The following JMJD1C variants were observed in gnomAD, a reference collection of about 807,000 sequenced individuals.
JMJD1C encodes the protein jumonji domain-containing protein 1C.
JMJD1C carries 31 observed loss-of-function variants against 245.3 expected under a neutral mutation model. The observed-to-expected ratio is 0.13, with a 90% CI of 0.09 to 0.17. The LOEUF (loss-of-function observed/expected upper bound fraction) is 0.17, where lower values mean the gene tolerates loss of function less well. Ranked by LOEUF, JMJD1C falls within the 10% of genes least tolerant of loss-of-function variation. JMJD1C has a pLI of 1.00. For missense variants in JMJD1C, 2,691 were observed against 3,000.2 expected, an observed-to-expected ratio of 0.90 and a Z score of 2.41; for synonymous variants, 1,057 against 1,017.4, an observed-to-expected ratio of 1.04 and a Z score of -0.74.
intron 2 of JMJD1C, among the ~76,000 whole-genome samples, chr10:63,282,835 G>A (rs985136923): frequency 6.6e-6 from 1 of 152,150 alleles, no homozygotes; most frequent in African/African-American, 2.4e-5. Flanking sequence ...TCCTGCCTCA[G>A]CCTCCCAAGT....
At chr10:63,389,191 A>T (rs1947849278) in intron 1 of JMJD1C, among the ~76,000 whole-genome samples, 1 of 151,802 alleles carries the variant, frequency 6.6e-6, no homozygotes. Context: ...ACATGCCTGT[A>T]ATCCCAGCTA....
intron 1 of JMJD1C, chr10:63,427,435 G>A (rs1323015850): frequency 1.7e-6 from 2 of 1,145,426 alleles, no homozygotes; most frequent in African/African-American, 1.5e-5. Context: ...GGTGACTGCT[G>A]ACCAGAAACT....
intron 1 of JMJD1C, among the ~76,000 whole-genome samples, chr10:63,516,299 G>A (rs1955018038): frequency 6.6e-6 from 1 of 151,154 alleles, no homozygotes; most frequent in Admixed American, 6.6e-5. Context: ...TGGAAACAGG[G>A]AAGAAAAAAA....
intron 3 of JMJD1C, among the ~76,000 whole-genome samples, chr10:63,249,728 C>T (rs1051886138): frequency 9.9e-5 from 15 of 151,466 alleles, no homozygotes; most frequent in Non-Finnish European, 1.9e-4. Flanking sequence ...GGCGTGGTGG[C>T]GTGCGCCTGT....
intron 2 of JMJD1C, among the ~76,000 whole-genome samples, chr10:63,275,785 C>T (rs938422378): frequency 2.0e-5 from 3 of 152,078 alleles, no homozygotes; most frequent in Non-Finnish European, 2.9e-5. Flanking sequence ...CCTTAGTGAA[C>T]CCAGCCAGTT....
chr10:63,401,489 C>T (rs1948853644), intron 1 of JMJD1C, among the ~76,000 whole-genome samples: 1 of 152,190 alleles, frequency 6.6e-6, no homozygotes, highest in South Asian at 2.1e-4. Context: ...TCATGCAATC[C>T]CCCCACCTAG....
At chr10:63,233,036 A>G (rs924590463) in intron 3 of JMJD1C, among the ~76,000 whole-genome samples, 1 of 152,170 alleles carries the variant, frequency 6.6e-6, no homozygotes, top group Non-Finnish European at 1.5e-5. Context: ...ATTCCACTGA[A>G]TATTTTAAGT....
In JMJD1C at chr10:63,380,498, C is replaced by T; in HGVS notation, c.169-16G>A. 6.3e-7 allele frequency: 1 copy of T among 1,593,596 alleles called. No individual in the cohort carries two copies. Among genetic ancestry groups the T allele is most frequent in the Middle Eastern group, 1.7e-4 (1 of 5,764 alleles). Reference sequence around the variant, plus strand: ...CCACATACACCTATGAAAACAAAAACACAAAATTCAATTAGCAAAATAGAA... The same window carrying T: ...CCACATACACCTATGAAAACAAAAATACAAAATTCAATTAGCAAAATAGAA... On this transcript the variant is annotated splice_polypyrimidine_tract_variant and intron_variant, in intron 1 of 25. Coordinates refer to ENST00000399262, the MANE Select transcript of JMJD1C (RefSeq NM_032776.3).
At chr10:63,332,740 G>A (rs1389096233) in intron 2 of JMJD1C, among the ~76,000 whole-genome samples, 1 of 152,000 alleles carries the variant, frequency 6.6e-6, no homozygotes, top group African/African-American at 2.4e-5. Flanking sequence ...TATTTTTATA[G>A]GTTAAAGAAT....
chr10:63,214,178 C>T lies in JMJD1C; in HGVS notation c.1989G>A (p.Val663=). 6.2e-7 allele frequency: 1 copy of T among 1,614,086 alleles called. No individual in the cohort carries two copies. Among genetic ancestry groups the T allele is most frequent in the South Asian group, 1.1e-5 (1 of 91,082 alleles). The change falls in exon 8 of 26, where the codon GTG becomes GTA. Residue 663 remains valine, a synonymous_variant. Transcript: ENST00000399262. ...TTCTTTCACCAGTAGCTTGGCTGTTCACATAAGTGGCCTTAGACTTTACAG... is the reference window on the plus strand; with the variant it reads ...TTCTTTCACCAGTAGCTTGGCTGTTTACATAAGTGGCCTTAGACTTTACAG... ...PDSVKSKATY[V]NSQATGERRL... is the part of the protein sequence containing the mutation.
intron 1 of JMJD1C, among the ~76,000 whole-genome samples, chr10:63,382,274 A>G (rs1032045389): frequency 2.6e-5 from 4 of 152,228 alleles, no homozygotes; most frequent in Non-Finnish European, 5.9e-5. Context: ...GGTTTCTGTC[A>G]TAATTGTTTC....
intron 1 of JMJD1C, among the ~76,000 whole-genome samples, chr10:63,449,010 A>G (rs955331780): frequency 1.3e-5 from 2 of 152,054 alleles, no homozygotes; most frequent in African/African-American, 4.8e-5. Flanking sequence ...CCAGCTACTC[A>G]GGAGGCTGAG....
intron 2 of JMJD1C, among the ~76,000 whole-genome samples, chr10:63,338,440 T>A (rs1378895185): frequency 1.3e-5 from 2 of 151,308 alleles, no homozygotes; most frequent in Non-Finnish European, 2.9e-5. Flanking sequence ...AGCCCTTGAT[T>A]TGGATCTTAA....
chr10:63,383,243 T>C (rs964666064), intron 1 of JMJD1C, among the ~76,000 whole-genome samples: 13 of 151,654 alleles, frequency 8.6e-5, no homozygotes, highest in Non-Finnish European at 1.6e-4. Context: ...AGCTTATCTA[T>C]TAGAATATCC....
intron 1 of JMJD1C, among the ~76,000 whole-genome samples, chr10:63,516,871 T>A (rs917603561): frequency 6.6e-6 from 1 of 152,182 alleles, no homozygotes; most frequent in African/African-American, 2.4e-5. Context: ...TCAGTATCAT[T>A]TCATTATCAT....
At chr10:63,190,841 A>C in intron 17 of JMJD1C, 53 bp downstream of exon 17, 2 of 1,413,320 alleles carry the variant, frequency 1.4e-6, no homozygotes, top group Non-Finnish European at 2.0e-6. Flanking sequence ...CTAAGTCTCC[A>C]AATCATCTCT....
At chr10:63,302,233 A>T (rs551454023) in intron 2 of JMJD1C, among the ~76,000 whole-genome samples, 1 of 152,320 alleles carries the variant, frequency 6.6e-6, no homozygotes, top group East Asian at 1.9e-4. Context: ...ATACAAGAAG[A>T]AGCCCTGTAC....
chr10:63,422,515 G>A (rs1257036028), intron 1 of JMJD1C, among the ~76,000 whole-genome samples: 1 of 152,102 alleles, frequency 6.6e-6, no homozygotes, highest in Non-Finnish European at 1.5e-5. Context: ...TCCTCCATCT[G>A]GAATATCTTA....
At chr10:63,345,035 C>T (rs892039231) in intron 2 of JMJD1C, among the ~76,000 whole-genome samples, 5 of 152,064 alleles carry the variant, frequency 3.3e-5, no homozygotes, top group African/African-American at 1.2e-4. Context: ...TAGATATCTG[C>T]CCAAATAAAA....
Sources: allele counts gnomAD v4.1 joint callset (sites outside exome capture counted in the v4.1 genomes callset), GRCh38; gene constraint gnomAD v4.1.1; transcripts MANE v1.5; gene names NCBI Gene and HGNC (gene_info 2026-07-23, HGNC 2026-07-21).